The following ERAL1 variants were observed in gnomAD, a reference collection of about 807,000 sequenced individuals.
ERAL1 encodes the protein GTPase Era, mitochondrial.
In ERAL1, 36 loss-of-function variants were observed where a neutral mutation model predicts 53.6. That is an observed-to-expected ratio of 0.67 (90% CI 0.51 to 0.89). The LOEUF (loss-of-function observed/expected upper bound fraction) is 0.89. Ranked by LOEUF, ERAL1 falls within the 40% of genes least tolerant of loss-of-function variation. The pLI is 0.00. For synonymous variants in ERAL1, 215 were observed against 211.8 expected (o/e 1.02, Z -0.13); for missense variants, 512 against 537.5 (o/e 0.95, Z 0.47).
In ERAL1 at chr17:28,856,342, C is replaced by T. The variant is rs143492367; in HGVS notation, c.362C>T (p.Ala121Val). The change falls in exon 2 of 10, where the codon GCC becomes GTC. Residue 121 changes from alanine to valine, a missense_variant. By Grantham distance (64) the Ala-to-Val change is moderately conservative. Transcript: ENST00000254928. ...GTCCTACGAGTGGTCCTCCTGGGAGCCCCGAATGCAGGGAAGTCAACACTC... is the reference window on the plus strand; with the variant it reads ...GTCCTACGAGTGGTCCTCCTGGGAGTCCCGAATGCAGGGAAGTCAACACTC... ...SRVLRVVLLG[A>V]PNAGKSTLSN... The T allele has an allele frequency of 1.8e-5, 29 of 1,614,022 alleles. No homozygotes were observed. The African/African-American group carries it at 3.3e-4, about 19-fold the overall frequency.
At chr17:28,857,857 G>A in intron 3 of ERAL1, 82 bp from the exon 4 acceptor site, 1 of 1,462,362 alleles carries the variant, frequency 6.8e-7, no homozygotes, top group Non-Finnish European at 9.6e-7. Flanking sequence ...GCAGGCTCCT[G>A]ACATCACAGG....
chr17:28,855,324 C>T lies in ERAL1; in HGVS notation c.283+7C>T, dbSNP rs1377518387. 2 of 1,566,792 alleles carry T rather than the reference C, an allele frequency of 1.3e-6. No homozygotes were observed. Among genetic ancestry groups the T allele is most frequent in the Non-Finnish European group, 1.7e-6 (2 of 1,155,190 alleles). Reference sequence around the variant, plus strand: ...GCGGTGTCCATGAACAGAGGTAAAGCGCCCTGATAGGTTTGCTCGGAACTG... The same window carrying T: ...GCGGTGTCCATGAACAGAGGTAAAGTGCCCTGATAGGTTTGCTCGGAACTG... On this transcript the variant is annotated splice_region_variant and intron_variant, in intron 1 of 9. Coordinates refer to ENST00000254928, the MANE Select transcript of ERAL1 (RefSeq NM_005702.4).
chr17:28,860,438 T>C lies in ERAL1; in HGVS notation c.1199T>C (p.Leu400Pro), dbSNP rs766964205. 2.5e-6 allele frequency: 4 copies of C among 1,612,342 alleles called. No individual in the cohort carries two copies. The highest frequency in any genetic ancestry group is 3.4e-6 in the Non-Finnish European group (4 of 1,179,298). The change falls in exon 10 of 10, where the codon CTG becomes CCG. Residue 400 changes from leucine (L) to proline (P), a missense_variant. Transcript: ENST00000254928. ...LVPKESYVKL[L>P]IGPKGHVISQ... ...TCTTTCACATACCCTCAGAAACTCC[T>C]GATTGGTCCGAAGGGCCACGTGATC...
At chr17:28,860,307 C>T in intron 9 of ERAL1, 124 bp from the exon 10 acceptor site, 1 of 1,159,986 alleles carries the variant, frequency 8.6e-7, no homozygotes, top group Non-Finnish European at 1.2e-6. Context: ...AGGGGTCGCA[C>T]TGTTACCCAG....
chr17:28,857,406 C>T (rs1361475125), intron 3 of ERAL1, among the ~76,000 whole-genome samples: 4 of 151,944 alleles, frequency 2.6e-5, no homozygotes, highest in Admixed American at 1.3e-4. Context: ...CACGCCCAGC[C>T]GATTTCATTC....
At chr17:28,856,680 A>C (rs752534692) in intron 3 of ERAL1, 98 bp downstream of exon 3, 1 of 1,068,088 alleles carries the variant, frequency 9.4e-7, no homozygotes, top group South Asian at 1.3e-5. Context: ...GGTCACATTC[A>C]TTTATGTGAG....
chr17:28,856,699 G>A (rs781188815), intron 3 of ERAL1, 117 bp downstream of exon 3: 2 of 911,130 alleles, frequency 2.2e-6, no homozygotes, highest in Non-Finnish European at 3.5e-6. Flanking sequence ...AGGAAAGGGG[G>A]TTTCTTTTCT....
At position 28,858,277 on chromosome 17, in the gene ERAL1, G is replaced by A. The variant is rs574422679; in HGVS notation, c.598+70G>A. 8.0e-5 allele frequency: 128 copies of A among 1,608,878 alleles called. 1 individual carries two copies. Among genetic ancestry groups the A allele is most frequent in the Middle Eastern group, 1.6e-4 (1 of 6,072 alleles). On this transcript the variant is annotated intron_variant, in intron 5 of 9. Transcript: ENST00000254928. Reference sequence around the variant, plus strand: ...TGGCCTTTCATTCCTTGGTAGTTTGGGGGGCAAAAGCCAAGCTCATACCAT... The same window carrying A: ...TGGCCTTTCATTCCTTGGTAGTTTGAGGGGCAAAAGCCAAGCTCATACCAT...
intron 5 of ERAL1, 73 bp downstream of exon 5, chr17:28,858,280 G>A (rs2039265797): frequency 6.2e-7 from 1 of 1,609,344 alleles, no homozygotes; most frequent in Non-Finnish European, 8.5e-7. Context: ...TAGTTTGGGG[G>A]GCAAAAGCCA....
Position 28,858,558 on chromosome 17 carries a change from C to T in ERAL1, c.712-18C>T, listed in dbSNP as rs1190811679. ...CCTATCTCTGACCACACACCCTTTGCCCATCCCCCATGTCCAGGTAGATTG... is the reference window on the plus strand; with the variant it reads ...CCTATCTCTGACCACACACCCTTTGTCCATCCCCCATGTCCAGGTAGATTG... On this transcript the variant is annotated intron_variant, in intron 6 of 9. Coordinates refer to ENST00000254928, the MANE Select transcript of ERAL1 (RefSeq NM_005702.4). 1.9e-6 allele frequency: 3 copies of T among 1,614,024 alleles called. No individual in the cohort carries two copies. In the African/African-American group the frequency reaches 4.0e-5, roughly 22 times the overall value.
rs1300663573 is a variant in ERAL1 at position 28,855,145 on chromosome 17, A to G, written c.111A>G (p.Leu37=). 1 of 1,614,086 alleles carries G rather than the reference A, an allele frequency of 6.2e-7. No homozygotes were observed. The highest frequency in any genetic ancestry group is 1.7e-5 in the Admixed American group (1 of 60,000). Residue 37 remains leucine (L), a synonymous_variant, in exon 1 of 10, where the codon TTA becomes TTG. Transcript: ENST00000254928. ...GGGTGATCCCTTTTTCCTCACTCTT[A>G]GGCTTCCAACGGAGGTGCGTGTCCT... The part of the protein sequence containing the change: ...RERVIPFSSL[L]GFQRRCVSCV...
intron 1 of ERAL1, among the ~76,000 whole-genome samples, chr17:28,855,522 A>C (rs545329256): frequency 7.9e-5 from 12 of 152,346 alleles, no homozygotes; most frequent in Admixed American, 6.5e-4. Context: ...CTCACTAAAG[A>C]GCATGAGATT....
rs375653972 is a variant in ERAL1, at chr17:28,857,910, G to A, written c.490-29G>A. ...CCCAGTCATAATCTTTTCTCCTGGG[G>A]TCTGGGTATCTCACTTTCCTGATTT... On this transcript the variant is annotated intron_variant, in intron 3 of 9. Coordinates refer to ENST00000254928, the MANE Select transcript of ERAL1 (RefSeq NM_005702.4). 5.0e-6 allele frequency: 8 copies of A among 1,613,732 alleles called. No homozygotes were observed. The African/African-American group carries it at 6.7e-5, about 13-fold the overall frequency.
chr17:28,855,400 T>A, intron 1 of ERAL1, 83 bp downstream of exon 1: 2 of 1,444,062 alleles, frequency 1.4e-6, no homozygotes, highest in African/African-American at 1.4e-5. Flanking sequence ...TTGATTCTAT[T>A]TTATAGAAAA....
chr17:28,860,383 A>G, intron 9 of ERAL1, 48 bp from the exon 10 acceptor site: 1 of 1,605,430 alleles, frequency 6.2e-7, no homozygotes, highest in Non-Finnish European at 8.5e-7. Flanking sequence ...CTGGGACTAC[A>G]GGCATGTGCC....
Position 28,858,155 on chromosome 17 carries a change from G to A in ERAL1, c.546G>A (p.Leu182=). 4 of 1,614,068 alleles carry A rather than the reference G, an allele frequency of 2.5e-6. No homozygotes were observed. The highest frequency in any genetic ancestry group is 3.4e-6 in the Non-Finnish European group (4 of 1,180,024). ...ISPGKQKRHH[L]ELSLLEDPWK... ...TATGTCTGTCCCTCAGGCATCACCT[G>A]GAGCTCTCTTTGTTGGAAGATCCAT... The change falls in exon 5 of 10, where the codon CTG becomes CTA. Residue 182 remains leucine (L), a synonymous_variant. Transcript: ENST00000254928.
In ERAL1 at chr17:28,856,964, G is replaced by A. The variant is rs573992228; in HGVS notation, c.489+382G>A. Reference sequence around the variant, plus strand: ...CTGACCGCGTGATCCGCCTGCCTCAGCATCCCAAAGTGCTGGGATTACAGG... The same window carrying A: ...CTGACCGCGTGATCCGCCTGCCTCAACATCCCAAAGTGCTGGGATTACAGG... On this transcript the variant is annotated intron_variant, in intron 3 of 9. Transcript: ENST00000254928. 6.6e-5 allele frequency among the ~76,000 whole-genome samples: 10 copies of A among 151,820 alleles called. No individual in the cohort carries two copies. The South Asian group carries it at 2.1e-3, about 32-fold the overall frequency.
Position 28,855,020 on chromosome 17 carries a change from T to G in ERAL1, c.-15T>G. The G allele has an allele frequency of 6.4e-7, 1 of 1,567,996 alleles. No individual in the cohort carries two copies. Among genetic ancestry groups the G allele is most frequent in the African/African-American group, 1.4e-5 (1 of 73,522 alleles). On this transcript the variant is annotated 5_prime_UTR_variant, in exon 1 of 10. Coordinates refer to ENST00000254928, the MANE Select transcript of ERAL1 (RefSeq NM_005702.4). ...GAGCGCTCCTGGTCGGTTCCCGCAG[T>G]GCCTTGCGGCTGTAATGGCTGCCCC...
At position 28,856,698 on chromosome 17, in the gene ERAL1, G is replaced by C. The variant is rs757491767; in HGVS notation, c.489+116G>C. ...CACATTCATTTATGTGAGGAAAGGG[G>C]GTTTCTTTTCTTTTTCTTTTTTTTT... On this transcript the variant is annotated intron_variant, in intron 3 of 9. Transcript: ENST00000254928. 2.7e-5 allele frequency: 25 copies of C among 935,984 alleles called. No homozygotes were observed. The Middle Eastern group carries it at 1.0e-3, about 38-fold the overall frequency. The allele number at this position is 935,984 out of a possible 1,614,324, so 58.0% of individuals were successfully genotyped here.
Sources: allele counts gnomAD v4.1 joint callset (sites outside exome capture counted in the v4.1 genomes callset), GRCh38; gene constraint gnomAD v4.1.1; transcripts MANE v1.5; gene names NCBI Gene and HGNC (gene_info 2026-07-23, HGNC 2026-07-21).